SPOCK3: variants seen among roughly 807,000 people sequenced by gnomAD.
SPOCK3 encodes testican-3.
Under a neutral mutation model 56.6 loss-of-function variants are expected in SPOCK3, and 30 were observed. The ratio of observed to expected loss-of-function variants is 0.53; its 90% CI spans 0.40 to 0.72. SPOCK3 has a LOEUF of 0.72. Ranked by LOEUF, SPOCK3 falls within the 30% of genes least tolerant of loss-of-function variation. The pLI is 0.00. For missense variants in SPOCK3, 527 were observed against 530.0 expected, an observed-to-expected ratio of 0.99 and a Z score of 0.06; for synonymous variants, 196 against 183.3, an observed-to-expected ratio of 1.07 and a Z score of -0.56.
At chr4:167,090,847 T>C (rs549460790) in intron 2 of SPOCK3, among the ~76,000 whole-genome samples, 11 of 152,248 alleles carry the variant, frequency 7.2e-5, no homozygotes, top group Admixed American at 2.0e-4. Context: ...GTTTTTTTTT[T>C]CCAAGTATAG....
intron 6 of SPOCK3, among the ~76,000 whole-genome samples, chr4:166,875,257 G>A (rs1246288208): frequency 1.3e-5 from 2 of 152,040 alleles, no homozygotes; most frequent in African/African-American, 4.8e-5. Context: ...AAAGTTAATA[G>A]TTCAAAAATC....
Position 167,035,683 on chromosome 4 carries a change from G to A in SPOCK3, c.235+26809C>T, listed in dbSNP as rs74367463. Among the ~76,000 whole-genome samples, 189 of 152,080 alleles carry A rather than the reference G, an allele frequency of 1.2e-3. 1 individual carries two copies. The highest frequency in any genetic ancestry group is 0.011 in the East Asian group (57 of 5,144). ...TGTTTCCCTGTCTTTTTCCCTACCC[G>A]AATCCTGGCTAGGAAACATTTCCTA... On this transcript the variant is annotated intron_variant, in intron 3 of 10. Transcript: ENST00000357545.
At chr4:166,755,029 C>T (rs532663353) in intron 7 of SPOCK3, among the ~76,000 whole-genome samples, 10 of 151,964 alleles carry the variant, frequency 6.6e-5, no homozygotes, top group Non-Finnish European at 1.5e-4. Context: ...GATCAAGCTT[C>T]TTTGAATAAA....
chr4:166,771,879 C>G (rs1298831167), intron 7 of SPOCK3, among the ~76,000 whole-genome samples: 2 of 151,942 alleles, frequency 1.3e-5, no homozygotes, highest in Non-Finnish European at 1.5e-5. Flanking sequence ...TAAATTCTTC[C>G]TCCCATAGCC....
At chr4:167,145,055 G>A (rs1283550201) in intron 2 of SPOCK3, among the ~76,000 whole-genome samples, 1 of 152,144 alleles carries the variant, frequency 6.6e-6, no homozygotes, top group Admixed American at 6.6e-5. Context: ...TAATCCCAGA[G>A]ATACATGATA....
intron 3 of SPOCK3, among the ~76,000 whole-genome samples, chr4:167,051,467 T>C (rs1484555619): frequency 6.6e-6 from 1 of 152,222 alleles, no homozygotes; most frequent in African/African-American, 2.4e-5. Context: ...TTATTAAAGA[T>C]ACTTTCCATA....
intron 3 of SPOCK3, among the ~76,000 whole-genome samples, chr4:167,045,430 T>C (rs1179527484): frequency 6.6e-6 from 1 of 152,138 alleles, no homozygotes; most frequent in Non-Finnish European, 1.5e-5. Context: ...CCATATGTCT[T>C]ACTGTTTTCT....
intron 2 of SPOCK3, among the ~76,000 whole-genome samples, chr4:167,147,918 C>A (rs1764107001): frequency 6.6e-6 from 1 of 151,852 alleles, no homozygotes. Flanking sequence ...TGAAACAAAC[C>A]TGCACATTCT....
intron 2 of SPOCK3, among the ~76,000 whole-genome samples, chr4:167,109,533 T>C (rs952179699): frequency 1.6e-5 from 2 of 128,282 alleles, no homozygotes; most frequent in African/African-American, 5.9e-5. Flanking sequence ...ATATTTTATA[T>C]AAATATAACT....
At chr4:167,135,914 A>G (rs1002451894) in intron 2 of SPOCK3, among the ~76,000 whole-genome samples, 2 of 152,136 alleles carry the variant, frequency 1.3e-5, no homozygotes, top group Admixed American at 6.6e-5. Context: ...TATCCTTTCA[A>G]TGTCCTATGA....
chr4:167,104,914 A>G (rs897762498), intron 2 of SPOCK3, among the ~76,000 whole-genome samples: 4 of 152,058 alleles, frequency 2.6e-5, no homozygotes, highest in African/African-American at 9.6e-5. Context: ...GAAACCCTAC[A>G]AACCAGGAGA....
chr4:166,838,240 T>C (rs1236585523), intron 6 of SPOCK3, among the ~76,000 whole-genome samples: 2 of 152,154 alleles, frequency 1.3e-5, no homozygotes, highest in African/African-American at 4.8e-5. Context: ...CACTGTTATT[T>C]TCTCAAAAAC....
At chr4:166,901,801 G>A (rs903916163) in intron 5 of SPOCK3, among the ~76,000 whole-genome samples, 16 of 152,076 alleles carry the variant, frequency 1.1e-4, no homozygotes, top group Non-Finnish European at 1.8e-4. Context: ...GTGGGGGGTC[G>A]GAGACACTGC....
chr4:166,739,496 C>T (rs983732835), intron 9 of SPOCK3, among the ~76,000 whole-genome samples: 4 of 152,116 alleles, frequency 2.6e-5, no homozygotes, highest in African/African-American at 9.7e-5. Context: ...CCACCTCAAC[C>T]TCCCAGAATG....
intron 4 of SPOCK3, among the ~76,000 whole-genome samples, chr4:166,959,023 A>T (rs1743831113): frequency 6.6e-6 from 1 of 152,210 alleles, no homozygotes; most frequent in African/African-American, 2.4e-5. Context: ...AGTTACAAAA[A>T]GATTAATTTT....
chr4:166,978,320 C>G (rs1425783689), intron 4 of SPOCK3, among the ~76,000 whole-genome samples: 1 of 151,916 alleles, frequency 6.6e-6, no homozygotes, highest in Non-Finnish European at 1.5e-5. Flanking sequence ...AGATTGAGTA[C>G]AAGTAGGGAA....
At chr4:167,199,576 A>C (rs911067727) in intron 2 of SPOCK3, among the ~76,000 whole-genome samples, 5 of 151,660 alleles carry the variant, frequency 3.3e-5, no homozygotes, top group African/African-American at 1.2e-4. Flanking sequence ...TTCTTCCTCT[A>C]CTCAGTTCTC....
intron 6 of SPOCK3, among the ~76,000 whole-genome samples, chr4:166,825,113 C>T (rs981727610): frequency 2.6e-5 from 4 of 151,976 alleles, no homozygotes; most frequent in Admixed American, 1.3e-4. Flanking sequence ...ATATATGACC[C>T]ATGGAAATAA....
intron 2 of SPOCK3, among the ~76,000 whole-genome samples, chr4:167,087,746 CTCA>C (rs569429490): frequency 5.3e-4 from 80 of 152,164 alleles, no homozygotes; most frequent in African/African-American, 1.9e-3. Flanking sequence ...ATTTCATTTC[CTCA>C]TGTTTCATTT....
Sources: gnomAD v4.1 joint callset for allele counts (sites outside exome capture counted in the v4.1 genomes callset) on GRCh38, gnomAD v4.1.1 for gene constraint, MANE v1.5 for transcripts, NCBI Gene and HGNC (gene_info 2026-07-23, HGNC 2026-07-21) for gene names.